Variants in ARHGAP26 observed in about 807,000 individuals in gnomAD.
The protein encoded by ARHGAP26 is Rho GTPase activating protein 26, also known as rho GTPase-activating protein 26.
In ARHGAP26, 38 loss-of-function variants were observed where a neutral mutation model predicts 104.8. The observed-to-expected ratio is 0.36, with a 90% CI of 0.28 to 0.48. The LOEUF is 0.48. ARHGAP26 is among the 20% of genes least tolerant of loss of function. The pLI, the probability that ARHGAP26 is intolerant of heterozygous loss-of-function variation, is 0.99. For missense variants in ARHGAP26, 704 were observed against 947.9 expected (o/e 0.74, Z 3.38); for synonymous variants, 341 against 340.0 (o/e 1.00, Z -0.03).
intron 1 of ARHGAP26, among the ~76,000 whole-genome samples, chr5:142,801,222 A>G (rs756986463): frequency 1.3e-5 from 2 of 152,200 alleles, no homozygotes; most frequent in African/African-American, 4.8e-5. Context: ...AGCTTTTTGC[A>G]TTGTGTTTTA....
At chr5:142,843,476 G>C (rs1771228752) in intron 1 of ARHGAP26, among the ~76,000 whole-genome samples, 1 of 152,214 alleles carries the variant, frequency 6.6e-6, no homozygotes, top group African/African-American at 2.4e-5. Flanking sequence ...CATTCATTGA[G>C]TGCTTACTCC....
chr5:143,102,615 G>A (rs1487396378), intron 17 of ARHGAP26, among the ~76,000 whole-genome samples: 2 of 152,192 alleles, frequency 1.3e-5, no homozygotes, highest in Non-Finnish European at 2.9e-5. Flanking sequence ...CTGTTGCGTC[G>A]CCCATCCGGG....
At chr5:142,849,056 A>C (rs1206730929) in intron 1 of ARHGAP26, among the ~76,000 whole-genome samples, 1 of 152,224 alleles carries the variant, frequency 6.6e-6, no homozygotes, top group African/African-American at 2.4e-5. Flanking sequence ...TGGTGATACC[A>C]TGCCCAACTC....
intron 5 of ARHGAP26, among the ~76,000 whole-genome samples, chr5:142,891,740 T>C (rs1364348564): frequency 6.6e-6 from 1 of 151,996 alleles, no homozygotes; most frequent in Admixed American, 6.5e-5. Context: ...AAGGGTGTTA[T>C]AGAACGGTTT....
At chr5:143,132,815 G>T (rs1797508156) in intron 18 of ARHGAP26, among the ~76,000 whole-genome samples, 1 of 150,166 alleles carries the variant, frequency 6.7e-6, no homozygotes, top group African/African-American at 2.4e-5. Flanking sequence ...TTGATTGAAT[G>T]AATGAGCATC....
Position 143,120,982 on chromosome 5 carries a change from T to G in ARHGAP26, c.1539-6T>G. On this transcript the variant is annotated splice_polypyrimidine_tract_variant and splice_region_variant and intron_variant, in intron 17 of 22. Transcript: ENST00000645722. ...CATTGGTACCTTTTCTTTTCCTTCC[T>G]CCCAGTGTTGCTAACAACCACAAGC... 2 of 1,612,046 alleles carry G rather than the reference T, an allele frequency of 1.2e-6. No homozygotes were observed. Among genetic ancestry groups the G allele is most frequent in the Middle Eastern group, 1.7e-4 (1 of 6,054 alleles).
intron 11 of ARHGAP26, among the ~76,000 whole-genome samples, chr5:143,007,193 CG>C (rs1206010538): frequency 0.017 from 1,918 of 115,296 alleles, 73 homozygotes; most frequent in African/African-American, 0.059. Flanking sequence ...ACTCTGTCTC[CG>C]AAAAAAAAAA....
intron 20 of ARHGAP26, among the ~76,000 whole-genome samples, chr5:143,185,013 A>G (rs1257154129): frequency 1.3e-5 from 2 of 152,216 alleles, no homozygotes; most frequent in African/African-American, 4.8e-5. Context: ...TTACCCCTGT[A>G]TTATTTACTA....
Position 143,227,109 on chromosome 5 carries a change from T to A in ARHGAP26, c.*4663T>A. ...TTGGCACCTGTCATCCTCTGGCTTC[T>A]GCTCCCAAAAGCAAGTCTGGATGAC... On this transcript the variant is annotated 3_prime_UTR_variant, in exon 23 of 23. Transcript: ENST00000645722. The A allele has an allele frequency of 4.3e-6, 1 of 230,544 alleles. No individual in the cohort carries two copies. Among genetic ancestry groups the A allele is most frequent in the Admixed American group, 5.6e-5 (1 of 17,718 alleles). The allele number at this position is 230,544 out of a possible 1,614,324, so 14.3% of individuals were successfully genotyped here.
intron 1 of ARHGAP26, among the ~76,000 whole-genome samples, chr5:142,799,505 C>T (rs968252404): frequency 6.6e-6 from 1 of 152,220 alleles, no homozygotes; most frequent in Non-Finnish European, 1.5e-5. Flanking sequence ...GTGAATTCCT[C>T]AGCAGGATTT....
In ARHGAP26 at chr5:143,090,102, G is replaced by A. The variant is rs192202961; in HGVS notation, c.1539-30886G>A. 1.4e-4 allele frequency among the ~76,000 whole-genome samples: 21 copies of A among 152,352 alleles called. No homozygotes were observed. The East Asian group carries it at 4.0e-3, about 29-fold the overall frequency. On this transcript the variant is annotated intron_variant, in intron 17 of 22. Coordinates refer to ENST00000645722, the MANE Select transcript of ARHGAP26 (RefSeq NM_001135608.3). The stretch of plus-strand genomic sequence containing the variant: ...CCAAGGAACACTAAGTTTCCTCCCT[G>A]TCGTGAACTTAGTGTTGGGAGACGG...
intron 11 of ARHGAP26, among the ~76,000 whole-genome samples, chr5:142,947,839 T>C (rs1767401097): frequency 1.3e-5 from 2 of 152,124 alleles, no homozygotes; most frequent in Admixed American, 6.5e-5. Context: ...AGTATACTGA[T>C]TGAGAATCCA....
rs533148715 is a variant in ARHGAP26, at chr5:142,785,787, T to G, written c.154+14872T>G. ...GCAACCTTGCATTGTTCTAGGAAAT[T>G]CCAGTCCAAATGTAGAAAGCGTGTT... is the stretch of plus-strand genomic sequence containing the variant. On this transcript the variant is annotated intron_variant, in intron 1 of 22. Transcript: ENST00000645722. Among the ~76,000 whole-genome samples, 3 of 152,304 alleles carry G rather than the reference T, an allele frequency of 2.0e-5. No individual in the cohort carries two copies. In the East Asian group the frequency reaches 5.8e-4, roughly 29 times the overall value.
At chr5:142,838,056 C>T (rs990315470) in intron 1 of ARHGAP26, among the ~76,000 whole-genome samples, 3 of 151,944 alleles carry the variant, frequency 2.0e-5, no homozygotes, top group Non-Finnish European at 2.9e-5. Flanking sequence ...GTCAGGGGTT[C>T]GAGACCAACA....
intron 20 of ARHGAP26, among the ~76,000 whole-genome samples, chr5:143,191,585 T>G (rs972530935): frequency 1.3e-5 from 2 of 152,184 alleles, no homozygotes; most frequent in Admixed American, 1.3e-4. Flanking sequence ...AAGTAGACAT[T>G]TGTTAAAGAG....
chr5:142,841,051 T>C (rs988291481), intron 1 of ARHGAP26, among the ~76,000 whole-genome samples: 1 of 152,192 alleles, frequency 6.6e-6, no homozygotes, highest in Non-Finnish European at 1.5e-5. Flanking sequence ...TTATGATCTA[T>C]GTCTCACCAT....
chr5:142,950,301 T>C (rs183841924), intron 11 of ARHGAP26, among the ~76,000 whole-genome samples: 1 of 152,088 alleles, frequency 6.6e-6, no homozygotes, highest in African/African-American at 2.4e-5. Flanking sequence ...GGGGTTTCCA[T>C]GTTGGATTAA....
intron 8 of ARHGAP26, among the ~76,000 whole-genome samples, chr5:142,904,780 A>G (rs929410797): frequency 6.6e-6 from 1 of 152,200 alleles, no homozygotes; most frequent in Non-Finnish European, 1.5e-5. Flanking sequence ...CCTTTGGTAG[A>G]GAACATTGGT....
At position 142,833,551 on chromosome 5, in the gene ARHGAP26, TC is replaced by T. The variant is rs1768948887; in HGVS notation, c.155-39844del. ...ATGGACATTTTTGTATGTACTTTTTTCCCCCATTTAATTTCCTTCAAACAGA... is the reference window on the plus strand; with the variant it reads ...ATGGACATTTTTGTATGTACTTTTTTCCCCATTTAATTTCCTTCAAACAGA... On this transcript the variant is annotated intron_variant, in intron 1 of 22. Coordinates refer to ENST00000645722, the MANE Select transcript of ARHGAP26 (RefSeq NM_001135608.3). Among the ~76,000 whole-genome samples, 2 of 152,198 alleles carry T rather than the reference TC, an allele frequency of 1.3e-5. 1 individual carries two copies. The highest frequency in any genetic ancestry group is 4.1e-4 in the South Asian group (2 of 4,830).
Sources: gnomAD v4.1 joint callset for allele counts (sites outside exome capture counted in the v4.1 genomes callset) on GRCh38, gnomAD v4.1.1 for gene constraint, MANE v1.5 for transcripts, NCBI Gene and HGNC (gene_info 2026-07-23, HGNC 2026-07-21) for gene names.